PTPRK: variants seen among roughly 807,000 people sequenced by gnomAD.
PTPRK encodes the protein receptor-type tyrosine-protein phosphatase kappa.
PTPRK carries 75 observed loss-of-function variants against 178.0 expected under a neutral mutation model. That is an observed-to-expected ratio of 0.42 (90% CI 0.35 to 0.51). The LOEUF is 0.51. Among genes scored for constraint, PTPRK ranks in the 20% least tolerant of loss-of-function variants. The pLI is 0.02. For missense variants in PTPRK, 1,441 were observed against 1,797.8 expected (o/e 0.80, Z 3.59); for synonymous variants, 637 against 620.6 (o/e 1.03, Z -0.39).
chr6:128,325,997 G>A (rs972108619), intron 2 of PTPRK, among the ~76,000 whole-genome samples: 1 of 152,088 alleles, frequency 6.6e-6, no homozygotes. Context: ...CCATAAAAAA[G>A]GATGAGTTCA....
At chr6:128,520,222 T>C in intron 1 of PTPRK, 37 bp downstream of exon 1, 1 of 1,540,662 alleles carries the variant, frequency 6.5e-7, no homozygotes, top group Non-Finnish European at 8.8e-7. Context: ...AGCCCAGGAC[T>C]CCAGGCGTTC....
chr6:128,219,424 A>C (rs1378699899), intron 5 of PTPRK, among the ~76,000 whole-genome samples: 1 of 152,162 alleles, frequency 6.6e-6, no homozygotes, highest in Non-Finnish European at 1.5e-5. Flanking sequence ...CCTTGCATTC[A>C]CAGTTCACAG....
chr6:128,135,033 T>C (rs1207237723), intron 7 of PTPRK, among the ~76,000 whole-genome samples: 1 of 151,458 alleles, frequency 6.6e-6, no homozygotes, highest in East Asian at 2.0e-4. Flanking sequence ...TTCAGACTTA[T>C]CAGCTTTCAC....
intron 7 of PTPRK, among the ~76,000 whole-genome samples, chr6:128,144,034 C>G (rs527342366): frequency 6.6e-6 from 1 of 152,154 alleles, no homozygotes; most frequent in South Asian, 2.1e-4. Context: ...ACTTTTCATC[C>G]CATTCTCACT....
chr6:128,273,872 CAGTT>C (rs1820301426), intron 3 of PTPRK, among the ~76,000 whole-genome samples: 2 of 150,240 alleles, frequency 1.3e-5, no homozygotes, highest in African/African-American at 5.0e-5. Flanking sequence ...CAAAATCAAA[CAGTT>C]AGTTGTTCAG....
chr6:128,242,184 A>G (rs2128284309), intron 4 of PTPRK, among the ~76,000 whole-genome samples: 1 of 152,162 alleles, frequency 6.6e-6, no homozygotes, highest in African/African-American at 2.4e-5. Context: ...TTGAACTCTG[A>G]TTTGCTATTC....
At chr6:128,374,233 C>T (rs908401971) in intron 2 of PTPRK, among the ~76,000 whole-genome samples, 11 of 152,242 alleles carry the variant, frequency 7.2e-5, no homozygotes, top group South Asian at 2.1e-4. Flanking sequence ...TCTTTGAACT[C>T]TAAACACTGG....
rs142479124 is a variant in PTPRK, at chr6:128,064,892, AAAAGGGATTAT to A, written c.2158-109_2158-99del. ...TTATGAAGATCCATCTGGGGTCATAAAAAGGGATTATAAACAACAGAATTTTAATATTAAGA... is the reference window on the plus strand; with the variant it reads ...TTATGAAGATCCATCTGGGGTCATAAAAACAACAGAATTTTAATATTAAGA... On this transcript the variant is annotated intron_variant, in intron 12 of 29. Transcript: ENST00000368226. The A allele has an allele frequency of 2.7e-3, 3,493 of 1,296,038 alleles. 91 individuals are homozygous for A. The African/African-American group carries it at 0.046, about 17-fold the overall frequency. 80.3% of individuals were successfully genotyped at this position (1,296,038 alleles called of 1,614,324 possible). A position where few individuals can be genotyped will look rare whatever the true frequency, so the allele number is the denominator to read the frequency against.
intron 13 of PTPRK, among the ~76,000 whole-genome samples, chr6:128,049,801 G>A (rs562206519): frequency 2.6e-4 from 39 of 152,242 alleles, no homozygotes; most frequent in Admixed American, 1.3e-3. Flanking sequence ...ACTTGTGTGC[G>A]TGCATGAGGG....
At chr6:128,483,979 T>G (rs1310874460) in intron 1 of PTPRK, among the ~76,000 whole-genome samples, 2 of 152,086 alleles carry the variant, frequency 1.3e-5, no homozygotes, top group Non-Finnish European at 1.5e-5. Flanking sequence ...AGTCATTTCC[T>G]TTCCCATGTA....
chr6:128,284,743 C>T (rs1213346231), intron 3 of PTPRK, among the ~76,000 whole-genome samples: 1 of 152,110 alleles, frequency 6.6e-6, no homozygotes, highest in South Asian at 2.1e-4. Context: ...AGAAGCGTCA[C>T]CTTCCCTGTA....
chr6:128,395,675 G>T (rs376216820), intron 2 of PTPRK, among the ~76,000 whole-genome samples: 1 of 151,778 alleles, frequency 6.6e-6, no homozygotes, highest in South Asian at 2.1e-4. Context: ...AGGAAAATAA[G>T]GTTACATACC....
rs546193723 is a variant in PTPRK at position 128,507,686 on chromosome 6, T to C, written c.100+12573A>G. ...GCAAGAGAGGCAGTTCATAAGCAGC[T>C]GCAGGTCAGAGCAAACAGGATTCTG... is the stretch of plus-strand genomic sequence containing the variant. On this transcript the variant is annotated intron_variant, in intron 1 of 29. Coordinates refer to ENST00000368226, the MANE Select transcript of PTPRK (RefSeq NM_002844.4). Among the ~76,000 whole-genome samples, 4 of 152,258 alleles carry C rather than the reference T, an allele frequency of 2.6e-5. No homozygotes were observed. In the East Asian group the frequency reaches 7.7e-4, roughly 29 times the overall value.
chr6:128,445,261 A>G (rs1344268103), intron 1 of PTPRK, among the ~76,000 whole-genome samples: 1 of 147,508 alleles, frequency 6.8e-6, no homozygotes, highest in East Asian at 1.9e-4. Flanking sequence ...TAATTTATAT[A>G]TAATAGTATA....
chr6:127,993,079 G>C (rs1776781663), intron 18 of PTPRK, among the ~76,000 whole-genome samples: 1 of 151,496 alleles, frequency 6.6e-6, no homozygotes, highest in South Asian at 2.1e-4. Context: ...TCATCCAAAA[G>C]TACAACACAC....
At chr6:128,425,944 TA>T (rs1844081334) in intron 1 of PTPRK, among the ~76,000 whole-genome samples, 1 of 152,226 alleles carries the variant, frequency 6.6e-6, no homozygotes, top group Non-Finnish European at 1.5e-5. Context: ...CTAGCATAAA[TA>T]ACATTAAATA....
intron 3 of PTPRK, among the ~76,000 whole-genome samples, chr6:128,286,818 C>T (rs1352557263): frequency 6.6e-6 from 1 of 152,078 alleles, no homozygotes; most frequent in East Asian, 1.9e-4. Flanking sequence ...GTTAGTGTAG[C>T]CTTCAGAGTA....
Position 128,184,825 on chromosome 6 carries a change from A to G in PTPRK, c.869-100T>C, listed in dbSNP as rs1305211277. On this transcript the variant is annotated intron_variant, in intron 6 of 29. Transcript: ENST00000368226. ...CTAAATGCTTAATGGATCATTTATT[A>G]GAAATGCATAATAAATACTTGAAAG... 2.6e-6 allele frequency: 3 copies of G among 1,140,474 alleles called. No homozygotes were observed. The East Asian group carries it at 7.7e-5, about 29-fold the overall frequency. 70.6% of individuals were successfully genotyped at this position (1,140,474 alleles called of 1,614,324 possible).
intron 2 of PTPRK, among the ~76,000 whole-genome samples, chr6:128,357,628 C>T (rs1041413413): frequency 5.9e-5 from 9 of 152,190 alleles, no homozygotes; most frequent in Non-Finnish European, 1.3e-4. Context: ...TATTTATAGA[C>T]TAGTTGGCTC....
Sources: gnomAD v4.1 joint callset for allele counts (sites outside exome capture counted in the v4.1 genomes callset) on GRCh38, gnomAD v4.1.1 for gene constraint, MANE v1.5 for transcripts, NCBI Gene and HGNC (gene_info 2026-07-23, HGNC 2026-07-21) for gene names.